Variants in TMEM132D observed in about 807,000 individuals in gnomAD.
TMEM132D encodes transmembrane protein 132D, also known as mature OL transmembrane protein.
A neutral mutation model predicts 62.3 loss-of-function variants in TMEM132D; 21 were observed. The observed-to-expected ratio is 0.34, with a 90% CI of 0.24 to 0.49. TMEM132D has a LOEUF of 0.49. Ranked by LOEUF, TMEM132D falls within the 20% of genes least tolerant of loss-of-function variation. The pLI, the probability that TMEM132D is intolerant of heterozygous loss-of-function variation, is 0.99. For synonymous variants in TMEM132D, 621 were observed against 575.6 expected (o/e 1.08, Z -1.13); for missense variants, 1,346 against 1,402.8 (o/e 0.96, Z 0.65).
At chr12:129,468,909 G>A (rs538465626) in intron 3 of TMEM132D, among the ~76,000 whole-genome samples, 2 of 152,266 alleles carry the variant, frequency 1.3e-5, no homozygotes, top group South Asian at 4.2e-4. Flanking sequence ...CAGATGTTTT[G>A]GTTTCTTGAC....
At chr12:129,530,335 C>T (rs1198328333) in intron 3 of TMEM132D, among the ~76,000 whole-genome samples, 2 of 148,046 alleles carry the variant, frequency 1.4e-5, no homozygotes, top group African/African-American at 4.9e-5. Context: ...TTGAAATTTT[C>T]AATAGAATCC....
At chr12:129,885,748 CA>C (rs1303175660) in intron 1 of TMEM132D, among the ~76,000 whole-genome samples, 2 of 152,168 alleles carry the variant, frequency 1.3e-5, no homozygotes, top group African/African-American at 4.8e-5. Context: ...TAAATCTTGA[CA>C]TTTTAAAATG....
chr12:129,843,906 T>C (rs1474918303), intron 1 of TMEM132D, among the ~76,000 whole-genome samples: 1 of 151,818 alleles, frequency 6.6e-6, no homozygotes, highest in Non-Finnish European at 1.5e-5. Context: ...CTGGGCAATA[T>C]AGTAAGACCC....
intron 1 of TMEM132D, among the ~76,000 whole-genome samples, chr12:129,862,307 C>G (rs1220118235): frequency 1.3e-5 from 2 of 152,230 alleles, no homozygotes; most frequent in Non-Finnish European, 2.9e-5. Context: ...AGGTGGAAAC[C>G]TCAAACTTCG....
At chr12:129,367,947 G>A (rs574997308) in intron 3 of TMEM132D, among the ~76,000 whole-genome samples, 2 of 151,922 alleles carry the variant, frequency 1.3e-5, no homozygotes, top group South Asian at 2.1e-4. Flanking sequence ...CACCACGCCT[G>A]GCTAATATTT....
chr12:129,895,109 G>A (rs1035058246), intron 1 of TMEM132D, among the ~76,000 whole-genome samples: 4 of 152,110 alleles, frequency 2.6e-5, no homozygotes, highest in African/African-American at 7.2e-5. Flanking sequence ...TCCTTGGAAC[G>A]TGCTCAAGGT....
chr12:129,290,875 T>C (rs894430237), intron 4 of TMEM132D, among the ~76,000 whole-genome samples: 38 of 152,240 alleles, frequency 2.5e-4, no homozygotes, highest in African/African-American at 9.2e-4. Context: ...CTCTATTTAC[T>C]GTATAATGAA....
intron 1 of TMEM132D, among the ~76,000 whole-genome samples, chr12:129,785,015 A>T (rs1338726797): frequency 6.6e-6 from 1 of 152,216 alleles, no homozygotes; most frequent in Non-Finnish European, 1.5e-5. Flanking sequence ...AGGCCCACTC[A>T]GTGGCACGTT....
chr12:129,688,342 C>T (rs1441630209), intron 2 of TMEM132D, among the ~76,000 whole-genome samples: 1 of 152,146 alleles, frequency 6.6e-6, no homozygotes, highest in East Asian at 1.9e-4. Flanking sequence ...ATTCTCAACT[C>T]CAGCTGCACA....
intron 2 of TMEM132D, among the ~76,000 whole-genome samples, chr12:129,536,923 G>A (rs1015837203): frequency 6.6e-6 from 1 of 152,094 alleles, no homozygotes; most frequent in Non-Finnish European, 1.5e-5. Context: ...GTGGGAGGCC[G>A]AGGTGGGAAG....
chr12:129,303,602 A>G (rs1479715813), intron 4 of TMEM132D, among the ~76,000 whole-genome samples: 2 of 150,334 alleles, frequency 1.3e-5, no homozygotes, highest in African/African-American at 4.9e-5. Flanking sequence ...AGCCTCCACC[A>G]TCATCACTCG....
At chr12:129,294,742 T>C (rs549814000) in intron 4 of TMEM132D, among the ~76,000 whole-genome samples, 1 of 152,342 alleles carries the variant, frequency 6.6e-6, no homozygotes, top group African/African-American at 2.4e-5. Flanking sequence ...CTTTTTTCAA[T>C]GTTTGCTCCC....
At chr12:129,644,984 TAAAA>T (rs749612311) in intron 2 of TMEM132D, among the ~76,000 whole-genome samples, 1 of 63,404 alleles carries the variant, frequency 1.6e-5, no homozygotes, top group Non-Finnish European at 2.9e-5. Context: ...ATAGTCCATC[TAAAA>T]AAAAAAAAAA....
At chr12:129,847,298 C>T (rs911243928) in intron 1 of TMEM132D, among the ~76,000 whole-genome samples, 1 of 152,194 alleles carries the variant, frequency 6.6e-6, no homozygotes, top group Admixed American at 6.5e-5. Flanking sequence ...TGCTTACCTC[C>T]TCAGCCTCTT....
chr12:129,672,088 C>G (rs547637477), intron 2 of TMEM132D, among the ~76,000 whole-genome samples: 5 of 152,304 alleles, frequency 3.3e-5, no homozygotes, highest in African/African-American at 1.2e-4. Flanking sequence ...AAGACAGATT[C>G]ATTTCATCGA....
chr12:129,107,324 A>T (rs112552428), intron 5 of TMEM132D, among the ~76,000 whole-genome samples: 1 of 152,244 alleles, frequency 6.6e-6, no homozygotes, highest in South Asian at 2.1e-4. Flanking sequence ...AATGTCACGT[A>T]CATACAAGGT....
intron 5 of TMEM132D, among the ~76,000 whole-genome samples, chr12:129,193,655 A>G (rs891842599): frequency 1.3e-5 from 2 of 152,266 alleles, no homozygotes; most frequent in South Asian, 2.1e-4. Flanking sequence ...AATACTTTAT[A>G]TCTCATTGGA....
Position 129,355,266 on chromosome 12 carries a change from A to C in TMEM132D, c.1116-17449T>G, listed in dbSNP as rs568546183. Reference sequence around the variant, plus strand: ...AGCTAAGTATTTGAGATGCAAGTCAATGCATCTTAAACCTACCTGTATGCT... The same window carrying C: ...AGCTAAGTATTTGAGATGCAAGTCACTGCATCTTAAACCTACCTGTATGCT... On this transcript the variant is annotated intron_variant, in intron 3 of 8. Coordinates refer to ENST00000422113, the MANE Select transcript of TMEM132D (RefSeq NM_133448.3). Among the ~76,000 whole-genome samples, 416 of 152,302 alleles carry C rather than the reference A, an allele frequency of 2.7e-3. 3 individuals are homozygous for C. The highest frequency in any genetic ancestry group is 9.4e-3 in the African/African-American group (392 of 41,538).
chr12:129,536,506 G>A (rs952866857), intron 2 of TMEM132D, among the ~76,000 whole-genome samples: 2 of 152,102 alleles, frequency 1.3e-5, no homozygotes, highest in Non-Finnish European at 2.9e-5. Flanking sequence ...TTATGGAAAC[G>A]CTACTTTCCA....
Sources: allele counts gnomAD v4.1 joint callset (sites outside exome capture counted in the v4.1 genomes callset), GRCh38; gene constraint gnomAD v4.1.1; transcripts MANE v1.5; gene names NCBI Gene and HGNC (gene_info 2026-07-23, HGNC 2026-07-21).